The following CFAP20 variants were observed in gnomAD, a reference collection of about 807,000 sequenced individuals.
The protein encoded by CFAP20 is cilia- and flagella-associated protein 20.
In CFAP20, 14 loss-of-function variants were observed where a neutral mutation model predicts 25.5. The ratio of observed to expected loss-of-function variants is 0.55; its 90% CI spans 0.36 to 0.86. CFAP20 has a LOEUF of 0.86. Among genes scored for constraint, CFAP20 ranks in the 40% least tolerant of loss-of-function variants. CFAP20 has a pLI of 0.01. For missense variants in CFAP20, 181 were observed against 248.0 expected (o/e 0.73, Z 1.81); for synonymous variants, 75 against 91.1 (o/e 0.82, Z 1.01).
At chr16:58,116,798 T>G (rs969207274) in intron 2 of CFAP20, 74 bp downstream of exon 2, 25 of 1,369,130 alleles carry the variant, frequency 1.8e-5, no homozygotes, top group Non-Finnish European at 2.6e-5. Flanking sequence ...CTCCGCAGTC[T>G]GTGCTATTAA....
At position 58,113,785 on chromosome 16, in the gene CFAP20, C is replaced by T. The variant is rs1034007994; in HGVS notation, c.*240G>A. 5 of 509,860 alleles carry T rather than the reference C, an allele frequency of 9.8e-6. No individual in the cohort carries two copies. Among genetic ancestry groups the T allele is most frequent in the African/African-American group, 1.9e-5 (1 of 52,166 alleles). 31.6% of individuals were successfully genotyped at this position (509,860 alleles called of 1,614,324 possible). A position where few individuals can be genotyped will look rare whatever the true frequency, so the allele number is the denominator to read the frequency against. ...TCTCCCCCCACACTGGGGCAGGCGG[C>T]GGAATAAGCTCCAGCGTTCATGCGC... On this transcript the variant is annotated 3_prime_UTR_variant, in exon 6 of 6. Coordinates refer to ENST00000262498, the MANE Select transcript of CFAP20 (RefSeq NM_013242.3).
rs376526057 is a variant in CFAP20, at chr16:58,116,183, C to T, written c.165-31G>A. On this transcript the variant is annotated intron_variant, in intron 2 of 5. Coordinates refer to ENST00000262498, the MANE Select transcript of CFAP20 (RefSeq NM_013242.3). ...GAGAGAGGAAATACTAATAAACACA[C>T]TCCTGGACTCTCTTCCTTTGTGGTA... 8.3e-6 allele frequency: 12 copies of T among 1,450,778 alleles called. No homozygotes were observed. In the African/African-American group the frequency reaches 1.7e-4, roughly 20 times the overall value. 89.9% of individuals were successfully genotyped at this position (1,450,778 alleles called of 1,614,324 possible). A position where few individuals can be genotyped will look rare whatever the true frequency, so the allele number is the denominator to read the frequency against.
chr16:58,125,984 A>G (rs74019800), intron 1 of CFAP20, among the ~76,000 whole-genome samples: 12,063 of 152,292 alleles, frequency 0.079, 546 homozygotes, highest in South Asian at 0.21. Context: ...GTGCATGACT[A>G]CATATACTGT....
intron 1 of CFAP20, among the ~76,000 whole-genome samples, chr16:58,126,566 A>G (rs1020609034): frequency 6.6e-6 from 1 of 152,234 alleles, no homozygotes; most frequent in South Asian, 2.1e-4. Flanking sequence ...AAAAATAACT[A>G]TAAATAGGTA....
chr16:58,128,678 G>A (rs1466718142), intron 1 of CFAP20, among the ~76,000 whole-genome samples: 1 of 152,184 alleles, frequency 6.6e-6, no homozygotes, highest in Non-Finnish European at 1.5e-5. Context: ...CATGCTACGA[G>A]ATGGGCACCA....
intron 1 of CFAP20, among the ~76,000 whole-genome samples, chr16:58,117,689 T>TC (rs1392555785): frequency 6.6e-6 from 1 of 152,122 alleles, no homozygotes; most frequent in African/African-American, 2.4e-5. Flanking sequence ...TGCCTTGGCC[T>TC]CCCAAAGTGC....
intron 1 of CFAP20, among the ~76,000 whole-genome samples, chr16:58,126,303 G>T (rs1002464647): frequency 1.3e-5 from 2 of 152,170 alleles, no homozygotes; most frequent in Admixed American, 6.5e-5. Flanking sequence ...AGATTGGAAG[G>T]ATGAGATGGA....
intron 1 of CFAP20, among the ~76,000 whole-genome samples, chr16:58,117,257 T>A (rs984277507): frequency 6.6e-6 from 1 of 152,162 alleles, no homozygotes; most frequent in African/African-American, 2.4e-5. Context: ...CACATCCCCT[T>A]CTCACTTAAG....
intron 1 of CFAP20, 75 bp downstream of exon 1, chr16:58,128,957 T>C (rs1960665651): frequency 5.7e-6 from 8 of 1,408,902 alleles, no homozygotes; most frequent in African/African-American, 4.3e-5. Flanking sequence ...GACACAACCA[T>C]TCCCCGTCCC....
chr16:58,115,025 G>T, intron 4 of CFAP20, 105 bp from the exon 5 acceptor site: 1 of 1,093,840 alleles, frequency 9.1e-7, no homozygotes, highest in Non-Finnish European at 1.4e-6. Flanking sequence ...GTCATCTCCG[G>T]CATCTCCTTG....
intron 1 of CFAP20, among the ~76,000 whole-genome samples, chr16:58,125,830 A>G (rs972757835): frequency 2.0e-5 from 3 of 152,246 alleles, no homozygotes; most frequent in African/African-American, 7.2e-5. Context: ...GTTGGTTTAC[A>G]CCTACTCACA....
At chr16:58,115,565 G>A in intron 3 of CFAP20, 108 bp from the exon 4 acceptor site, 1 of 1,318,760 alleles carries the variant, frequency 7.6e-7, no homozygotes, top group Non-Finnish European at 1.1e-6. Context: ...CCAAGGCTGA[G>A]ACTTAGAGGA....
At chr16:58,128,195 G>A (rs2142371964) in intron 1 of CFAP20, among the ~76,000 whole-genome samples, 1 of 152,280 alleles carries the variant, frequency 6.6e-6, no homozygotes, top group East Asian at 1.9e-4. Context: ...TAGACAGCTA[G>A]ATCTTTCTTC....
At position 58,129,373 on chromosome 16, in the gene CFAP20, G is replaced by A. The variant is rs1047952152; in HGVS notation, c.-258C>T. The A allele has an allele frequency of 3.8e-5, 18 of 469,240 alleles. No homozygotes were observed. The highest frequency in any genetic ancestry group is 6.5e-5 in the Non-Finnish European group (17 of 261,454). The allele number at this position is 469,240 out of a possible 1,614,324, so 29.1% of individuals were successfully genotyped here. A position where few individuals can be genotyped will look rare whatever the true frequency, so the allele number is the denominator to read the frequency against. On this transcript the variant is annotated 5_prime_UTR_variant, in exon 1 of 6. Coordinates refer to ENST00000262498, the MANE Select transcript of CFAP20 (RefSeq NM_013242.3). ...ACCGTCCGCGCCGCGGTATTTCCCC[G>A]CCTTCAATGGAGGCGGAGGGCCGCC...
intron 1 of CFAP20, among the ~76,000 whole-genome samples, chr16:58,118,505 A>C (rs530526424): frequency 2.7e-4 from 40 of 148,288 alleles, no homozygotes; most frequent in African/African-American, 9.2e-4. Context: ...AAAACAAAAC[A>C]AAAAACGAAA....
Position 58,116,157 on chromosome 16 carries a change from A to G in CFAP20, c.165-5T>C, listed in dbSNP as rs748876456. 1 of 1,589,566 alleles carries G rather than the reference A, an allele frequency of 6.3e-7. No homozygotes were observed. The highest frequency in any genetic ancestry group is 8.6e-7 in the Non-Finnish European group (1 of 1,157,900). ...GGGCATGTGATATATGTGGTGCTGT[A>G]GAGAGAGGAAATACTAATAAACACA... is the stretch of plus-strand genomic sequence containing the variant. On this transcript the variant is annotated splice_polypyrimidine_tract_variant and splice_region_variant and intron_variant, in intron 2 of 5. Coordinates refer to ENST00000262498, the MANE Select transcript of CFAP20 (RefSeq NM_013242.3).
intron 1 of CFAP20, among the ~76,000 whole-genome samples, chr16:58,120,083 G>T (rs1490041380): frequency 1.3e-5 from 2 of 152,178 alleles, no homozygotes; most frequent in African/African-American, 4.8e-5. Context: ...ATTTTCTGTG[G>T]AAAACCAAGC....
intron 1 of CFAP20, among the ~76,000 whole-genome samples, chr16:58,124,212 C>T (rs983807425): frequency 1.3e-5 from 2 of 152,188 alleles, no homozygotes; most frequent in African/African-American, 2.4e-5. Context: ...GGGCGAGCCA[C>T]GGTGCAACAA....
chr16:58,129,029 G>T lies in CFAP20; in HGVS notation c.84+3C>A. The T allele has an allele frequency of 1.3e-6, 2 of 1,512,466 alleles. No homozygotes were observed. The highest frequency in any genetic ancestry group is 1.8e-4 in the Middle Eastern group (1 of 5,520). The allele number at this position is 1,512,466 out of a possible 1,614,324, so 93.7% of individuals were successfully genotyped here. On this transcript the variant is annotated splice_donor_region_variant and intron_variant, in intron 1 of 5. Transcript: ENST00000262498. Reference sequence around the variant, plus strand: ...CCCGCCCCGTCGCCGCCCCTAGCCCGACCTTTTTGTCCCAGATTTGCAGAG... The same window carrying T: ...CCCGCCCCGTCGCCGCCCCTAGCCCTACCTTTTTGTCCCAGATTTGCAGAG...
Sources: gnomAD v4.1 joint callset for allele counts (sites outside exome capture counted in the v4.1 genomes callset) on GRCh38, gnomAD v4.1.1 for gene constraint, MANE v1.5 for transcripts, NCBI Gene and HGNC (gene_info 2026-07-23, HGNC 2026-07-21) for gene names.